Variants in BANK1 observed in about 807,000 individuals in gnomAD.
The protein encoded by BANK1 is B cell scaffold protein with ankyrin repeats 1, also known as B-cell scaffold protein with ankyrin repeats.
A neutral mutation model predicts 94.5 loss-of-function variants in BANK1; 95 were observed. The observed-to-expected ratio is 1.00, with a 90% CI of 0.85 to 1.19. The LOEUF (loss-of-function observed/expected upper bound fraction) is 1.19. Among genes scored for constraint, BANK1 ranks in the 50% most tolerant of loss-of-function variants. BANK1 has a pLI of 0.00. For missense variants in BANK1, 987 were observed against 932.2 expected, an observed-to-expected ratio of 1.06 and a Z score of -0.77; for synonymous variants, 334 against 308.4, an observed-to-expected ratio of 1.08 and a Z score of -0.87.
chr4:101,900,847 G>A (rs1345581625), intron 6 of BANK1, among the ~76,000 whole-genome samples: 1 of 152,116 alleles, frequency 6.6e-6, no homozygotes, highest in South Asian at 2.1e-4. Context: ...GATATTCAGA[G>A]CCATAGCCTG....
chr4:102,022,463 C>T (rs572566358), intron 8 of BANK1, among the ~76,000 whole-genome samples: 1 of 152,268 alleles, frequency 6.6e-6, no homozygotes, highest in Admixed American at 6.5e-5. Flanking sequence ...TTATCCTAGT[C>T]CACACCATCA....
intron 11 of BANK1, among the ~76,000 whole-genome samples, chr4:102,047,458 C>T (rs1014675810): frequency 6.6e-6 from 1 of 151,976 alleles, no homozygotes; most frequent in African/African-American, 2.4e-5. Context: ...ATTATCCTCC[C>T]ACTGTGCCTT....
intron 15 of BANK1, among the ~76,000 whole-genome samples, chr4:102,073,335 C>T (rs1335775429): frequency 6.6e-6 from 1 of 151,482 alleles, no homozygotes; most frequent in Non-Finnish European, 1.5e-5. Flanking sequence ...GGCCTTAGGG[C>T]TTATGAAAAT....
intron 13 of BANK1, among the ~76,000 whole-genome samples, chr4:102,067,977 T>C (rs1443478445): frequency 6.6e-6 from 1 of 152,112 alleles, no homozygotes; most frequent in African/African-American, 2.4e-5. Flanking sequence ...TTTTAGAATC[T>C]TATATTCTCT....
Position 101,918,183 on chromosome 4 carries a change from C to T in BANK1, c.1200C>T (p.Asp400=). Residue 400 remains aspartate (D), a synonymous_variant, in exon 7 of 17, where the codon GAC becomes GAT. Transcript: ENST00000322953. ...AAGAACTCAAGAAAATCTTCGAAGA[C>T]TTTTCAGTAAGTTTTTTTTTTAAAT... is the stretch of plus-strand genomic sequence containing the variant. ...GHKELKKIFE[D]FSIQEIDINN... is the part of the protein sequence containing the mutation. 1 of 1,558,108 alleles carries T rather than the reference C, an allele frequency of 6.4e-7. No individual in the cohort carries two copies. Among genetic ancestry groups the T allele is most frequent in the Non-Finnish European group, 8.7e-7 (1 of 1,149,556 alleles).
chr4:101,903,354 T>C, intron 6 of BANK1, among the ~76,000 whole-genome samples: 1 of 152,204 alleles, frequency 6.6e-6, no homozygotes, highest in East Asian at 1.9e-4. Flanking sequence ...AGAGGGACAA[T>C]AATTTTTCCA....
At chr4:101,969,496 T>G (rs757807206) in intron 7 of BANK1, among the ~76,000 whole-genome samples, 3 of 152,072 alleles carry the variant, frequency 2.0e-5, no homozygotes, top group Non-Finnish European at 4.4e-5. Flanking sequence ...TAAGAAAAAT[T>G]TTGGTTAGTT....
At position 102,041,674 on chromosome 4, in the gene BANK1, T is replaced by C. The variant is rs3774929; in HGVS notation, c.1901-2165T>C. Among the ~76,000 whole-genome samples the C allele has an allele frequency of 5.8e-3, 883 of 152,084 alleles. 24 individuals are homozygous for C. In the East Asian group the frequency reaches 0.066, roughly 11 times the overall value. On this transcript the variant is annotated intron_variant, in intron 10 of 16. Coordinates refer to ENST00000322953, the MANE Select transcript of BANK1 (RefSeq NM_017935.5). ...TTTTAAAGAGTCGTATTATCAGCAT[T>C]TTCACAATTACCCCACTCATAGTAT... is the stretch of plus-strand genomic sequence containing the variant.
At chr4:102,063,381 G>A (rs1226493792) in intron 13 of BANK1, among the ~76,000 whole-genome samples, 2 of 151,252 alleles carry the variant, frequency 1.3e-5, no homozygotes, top group Non-Finnish European at 3.0e-5. Flanking sequence ...ATATTCTCTG[G>A]TTCATAATGA....
intron 7 of BANK1, among the ~76,000 whole-genome samples, chr4:101,996,497 G>A (rs537235960): frequency 6.8e-4 from 103 of 152,164 alleles, no homozygotes; most frequent in African/African-American, 2.1e-3. Context: ...GGATAGCATC[G>A]GATCTATAAA....
intron 7 of BANK1, among the ~76,000 whole-genome samples, chr4:102,013,901 G>A (rs922291912): frequency 6.6e-6 from 1 of 151,926 alleles, no homozygotes; most frequent in Admixed American, 6.6e-5. Flanking sequence ...GATAATTTTC[G>A]AGTGTTTTCT....
At chr4:101,830,435 A>G (rs1726573056) in intron 2 of BANK1, among the ~76,000 whole-genome samples, 1 of 152,150 alleles carries the variant, frequency 6.6e-6, no homozygotes. Flanking sequence ...CATGGCTTAT[A>G]AATATATTCT....
At chr4:101,851,131 C>G (rs1727459165) in intron 2 of BANK1, among the ~76,000 whole-genome samples, 1 of 152,180 alleles carries the variant, frequency 6.6e-6, no homozygotes, top group Admixed American at 6.5e-5. Flanking sequence ...AAACAATTAG[C>G]CAAGTTGTGA....
At chr4:101,963,660 A>C (rs1015715106) in intron 7 of BANK1, among the ~76,000 whole-genome samples, 21 of 152,172 alleles carry the variant, frequency 1.4e-4, no homozygotes, top group African/African-American at 4.6e-4. Flanking sequence ...TTGCATTATA[A>C]GATTTCTGTG....
At chr4:101,867,932 G>A (rs1728137575) in intron 4 of BANK1, among the ~76,000 whole-genome samples, 2 of 151,684 alleles carry the variant, frequency 1.3e-5, no homozygotes, top group South Asian at 4.1e-4. Flanking sequence ...AAGTATGAGA[G>A]ATATAACCCA....
At chr4:101,909,052 A>G (rs1722565902) in intron 6 of BANK1, among the ~76,000 whole-genome samples, 1 of 152,216 alleles carries the variant, frequency 6.6e-6, no homozygotes, top group Admixed American at 6.5e-5. Flanking sequence ...CCATCCCATT[A>G]CTGGGTGTAT....
chr4:101,830,217 C>A lies in BANK1; in HGVS notation c.469+11C>A. 1.4e-6 allele frequency: 2 copies of A among 1,461,638 alleles called. No homozygotes were observed. Among genetic ancestry groups the A allele is most frequent in the Non-Finnish European group, 9.0e-7 (1 of 1,109,506 alleles). 90.5% of individuals were successfully genotyped at this position (1,461,638 alleles called of 1,614,324 possible). A position where few individuals can be genotyped will look rare whatever the true frequency, so the allele number is the denominator to read the frequency against. On this transcript the variant is annotated intron_variant, in intron 2 of 16. Transcript: ENST00000322953. The stretch of plus-strand genomic sequence containing the variant: ...GTATCATATTCAAAGGTAGTGTTGC[C>A]AAACCTTGTTTGTTTTATTTTTATT...
At chr4:102,005,693 C>G (rs1255148166) in intron 7 of BANK1, among the ~76,000 whole-genome samples, 1 of 151,952 alleles carries the variant, frequency 6.6e-6, no homozygotes, top group Non-Finnish European at 1.5e-5. Context: ...TTACAATGAG[C>G]AAGGAATATA....
At chr4:101,966,482 G>A (rs952814949) in intron 7 of BANK1, among the ~76,000 whole-genome samples, 1 of 151,950 alleles carries the variant, frequency 6.6e-6, no homozygotes, top group African/African-American at 2.4e-5. Flanking sequence ...TATAGAGTAT[G>A]GTTAGTGCAA....
Sources: allele counts gnomAD v4.1 joint callset (sites outside exome capture counted in the v4.1 genomes callset), GRCh38; gene constraint gnomAD v4.1.1; transcripts MANE v1.5; gene names NCBI Gene and HGNC (gene_info 2026-07-23, HGNC 2026-07-21).